Variants in LRRC40 observed in about 807,000 individuals in gnomAD.
LRRC40 encodes leucine rich repeat containing 40, also known as leucine-rich repeat-containing protein 40.
A neutral mutation model predicts 72.8 loss-of-function variants in LRRC40; 76 were observed. The observed-to-expected ratio is 1.04, with a 90% CI of 0.87 to 1.26. The LOEUF is 1.26. LRRC40 is among the 50% of genes most tolerant of loss of function. The probability of loss-of-function intolerance (pLI) is 0.00; values close to 1 mark genes in which losing one functional copy is unlikely to be tolerated. For missense variants in LRRC40, 684 were observed against 698.9 expected (o/e 0.98, Z 0.24); for synonymous variants, 243 against 254.2 (o/e 0.96, Z 0.42).
At chr1:70,195,197 A>AC (rs1282802457) in intron 1 of LRRC40, among the ~76,000 whole-genome samples, 2 of 152,252 alleles carry the variant, frequency 1.3e-5, no homozygotes, top group African/African-American at 4.8e-5. Flanking sequence ...TAAAAGAAAA[A>AC]CAATTGATAA....
At chr1:70,181,979 A>G (rs1668256742) in intron 4 of LRRC40, among the ~76,000 whole-genome samples, 1 of 152,034 alleles carries the variant, frequency 6.6e-6, no homozygotes, top group South Asian at 2.1e-4. Flanking sequence ...AAGCAGTGTC[A>G]ATGGCAACAA....
Position 70,184,887 on chromosome 1 carries a change from T to C in LRRC40, c.435A>G (p.Glu145=). ...TCAGGTTTCTTAGGTTTGTAATTTC[T>C]TCAGGGAGTATTTTCAGTTTATTAT... ...VSHNKLKILP[E]EITNLRNLKC... The change falls in exon 4 of 15, where the codon GAA becomes GAG. Residue 145 remains glutamate, a synonymous_variant. Coordinates refer to ENST00000370952, the MANE Select transcript of LRRC40 (RefSeq NM_017768.5). The C allele has an allele frequency of 6.2e-7, 1 of 1,607,088 alleles. No individual in the cohort carries two copies. The highest frequency in any genetic ancestry group is 8.5e-7 in the Non-Finnish European group (1 of 1,174,156).
chr1:70,161,757 C>G (rs1032710701), intron 9 of LRRC40, among the ~76,000 whole-genome samples: 1 of 151,994 alleles, frequency 6.6e-6, no homozygotes, highest in African/African-American at 2.4e-5. Context: ...GATCCTGTCT[C>G]TTAGAAATAA....
At chr1:70,167,230 T>TAAA (rs376215808) in intron 9 of LRRC40, among the ~76,000 whole-genome samples, 3,327 of 126,872 alleles carry the variant, frequency 0.026, 65 homozygotes, top group South Asian at 0.1. Context: ...TAAAAAGTGT[T>TAAA]AAAAAAAAAA....
intron 1 of LRRC40, among the ~76,000 whole-genome samples, chr1:70,191,157 G>A (rs1030534577): frequency 6.6e-6 from 1 of 150,970 alleles, no homozygotes; most frequent in Non-Finnish European, 1.5e-5. Context: ...CATATAGTAT[G>A]AGTCACAAAC....
chr1:70,199,335 T>G (rs553907544), intron 1 of LRRC40, among the ~76,000 whole-genome samples: 5 of 152,190 alleles, frequency 3.3e-5, no homozygotes, highest in Non-Finnish European at 5.9e-5. Flanking sequence ...TCTCTATAGA[T>G]TCTAATCTTT....
intron 1 of LRRC40, among the ~76,000 whole-genome samples, chr1:70,199,327 T>A (rs1031553052): frequency 1.3e-5 from 2 of 152,166 alleles, no homozygotes; most frequent in African/African-American, 4.8e-5. Flanking sequence ...TATGCTTTTC[T>A]CTATAGATTC....
intron 9 of LRRC40, among the ~76,000 whole-genome samples, chr1:70,164,897 A>G (rs1009945878): frequency 6.6e-6 from 1 of 152,244 alleles, no homozygotes; most frequent in African/African-American, 2.4e-5. Flanking sequence ...ACAGAGAACA[A>G]GTAAATAACT....
intron 8 of LRRC40, 27 bp downstream of exon 8, chr1:70,173,595 A>C (rs1325235372): frequency 2.0e-6 from 3 of 1,508,142 alleles, no homozygotes; most frequent in Admixed American, 1.8e-5. Context: ...TCAATTTAAC[A>C]AAGAGCTGAA....
At chr1:70,148,412 T>C (rs559438597) in intron 14 of LRRC40, 75 bp downstream of exon 14, 4 of 1,271,034 alleles carry the variant, frequency 3.1e-6, no homozygotes, top group Admixed American at 4.4e-5. Context: ...TGCAAATTTA[T>C]CTGAAAAAGA....
intron 10 of LRRC40, 130 bp from the exon 11 acceptor site, chr1:70,155,926 G>GT (rs1416380497): frequency 4.6e-6 from 2 of 430,858 alleles, no homozygotes; most frequent in South Asian, 6.3e-5. Flanking sequence ...ATAAAATTTT[G>GT]TAACAAATGC....
At chr1:70,190,666 G>T in intron 1 of LRRC40, among the ~76,000 whole-genome samples, 1 of 58,530 alleles carries the variant, frequency 1.7e-5, no homozygotes, top group South Asian at 4.2e-4. Flanking sequence ...AACAGAGTGA[G>T]ACCCTGTCTC....
intron 9 of LRRC40, among the ~76,000 whole-genome samples, chr1:70,170,952 A>G (rs1667987889): frequency 6.6e-6 from 1 of 152,168 alleles, no homozygotes; most frequent in African/African-American, 2.4e-5. Context: ...TTTGATTTCA[A>G]AACTTACTAC....
At chr1:70,176,102 CTT>C (rs1277749758) in intron 6 of LRRC40, 120 bp from the exon 7 acceptor site, 1 of 497,322 alleles carries the variant, frequency 2.0e-6, no homozygotes, top group African/African-American at 2.0e-5. Context: ...AAAAATGCAA[CTT>C]TATAAATATC....
At chr1:70,202,188 T>C (rs1167498795) in intron 1 of LRRC40, among the ~76,000 whole-genome samples, 10 of 152,284 alleles carry the variant, frequency 6.6e-5, no homozygotes, top group African/African-American at 2.4e-4. Context: ...ATCATGCTCC[T>C]AGGCTCTTAT....
chr1:70,205,330 T>A, intron 1 of LRRC40, 60 bp downstream of exon 1: 1 of 1,451,014 alleles, frequency 6.9e-7, no homozygotes, highest in Non-Finnish European at 9.3e-7. Context: ...AAAAGGGAGG[T>A]TGCCTGGGCC....
intron 1 of LRRC40, among the ~76,000 whole-genome samples, chr1:70,200,774 T>G (rs767385097): frequency 1.2e-4 from 18 of 152,120 alleles, no homozygotes; most frequent in Non-Finnish European, 2.1e-4. Flanking sequence ...CTCATACATT[T>G]CCCATAAAAT....
At chr1:70,193,273 T>C (rs1307743499) in intron 1 of LRRC40, among the ~76,000 whole-genome samples, 1 of 151,620 alleles carries the variant, frequency 6.6e-6, no homozygotes, top group Non-Finnish European at 1.5e-5. Flanking sequence ...AAGAAACAAA[T>C]TATCAAAATC....
chr1:70,176,173 A>T (rs1352464579), intron 6 of LRRC40, among the ~76,000 whole-genome samples, 191 bp from the exon 7 acceptor site: 7 of 152,228 alleles, frequency 4.6e-5, no homozygotes, highest in Admixed American at 4.6e-4. Context: ...AGAATGGCAA[A>T]TGAGAAAATT....
Sources: allele counts gnomAD v4.1 joint callset (sites outside exome capture counted in the v4.1 genomes callset), GRCh38; gene constraint gnomAD v4.1.1; transcripts MANE v1.5; gene names NCBI Gene and HGNC (gene_info 2026-07-23, HGNC 2026-07-21).